Variants in MTA1 observed in about 807,000 individuals in gnomAD.
The protein encoded by MTA1 is metastasis-associated protein MTA1.
Under a neutral mutation model 97.0 loss-of-function variants are expected in MTA1, and 15 were observed. The observed-to-expected ratio is 0.15, with a 90% confidence interval of 0.10 to 0.24. The LOEUF (loss-of-function observed/expected upper bound fraction) is 0.24. MTA1 is among the 10% of genes least tolerant of loss of function. The pLI, the probability that MTA1 is intolerant of heterozygous loss-of-function variation, is 1.00. For missense variants in MTA1, 709 were observed against 1,015.1 expected (o/e 0.70, Z 4.10); for synonymous variants, 435 against 417.5 (o/e 1.04, Z -0.51).
chr14:105,449,514 T>G (rs1258458064), intron 4 of MTA1, 105 bp downstream of exon 4: 1 of 1,283,542 alleles, frequency 7.8e-7, no homozygotes, highest in Non-Finnish European at 1.1e-6. Context: ...CCTGCATGCC[T>G]GTGCCCTGCG....
intron 1 of MTA1, among the ~76,000 whole-genome samples, chr14:105,437,160 C>T (rs782793499): frequency 1.3e-5 from 2 of 152,266 alleles, no homozygotes; most frequent in African/African-American, 2.4e-5. Flanking sequence ...GCTGCATGCA[C>T]AGGTGTGACT....
chr14:105,440,213 C>T (rs1216887031), intron 2 of MTA1, among the ~76,000 whole-genome samples: 4 of 152,224 alleles, frequency 2.6e-5, no homozygotes, highest in East Asian at 3.9e-4. Context: ...CGGAATGGGG[C>T]GCCACTCCTG....
intron 1 of MTA1, among the ~76,000 whole-genome samples, chr14:105,432,218 T>C (rs1002516608): frequency 3.3e-5 from 5 of 152,072 alleles, no homozygotes; most frequent in African/African-American, 1.2e-4. Context: ...TGAAGTTCTA[T>C]TGCTTTTTTA....
In MTA1 at chr14:105,460,753, C is replaced by T. The variant is rs2083317951; in HGVS notation, c.754-12C>T. The T allele has an allele frequency of 1.3e-6, 2 of 1,561,982 alleles. No individual in the cohort carries two copies. The highest frequency in any genetic ancestry group is 1.9e-5 in the Admixed American group (1 of 53,830). ...ACCTTGGCCCGGGTGACCCTGCTGT[C>T]TCCTGCCGCAGTTCCACGCCATGGA... is the stretch of plus-strand genomic sequence containing the variant. On this transcript the variant is annotated splice_polypyrimidine_tract_variant and intron_variant, in intron 9 of 20. Coordinates refer to ENST00000331320, the MANE Select transcript of MTA1 (RefSeq NM_004689.4).
intron 16 of MTA1, chr14:105,466,143 C>G (rs1269273434): frequency 1.8e-5 from 9 of 511,792 alleles, no homozygotes; most frequent in Non-Finnish European, 2.5e-5. Flanking sequence ...ATCCTGTTGT[C>G]CCGGGGCTGA....
In MTA1 at chr14:105,465,186, G is replaced by A. The variant is rs1555432419; in HGVS notation, c.1624+3G>A. 1.3e-6 allele frequency: 2 copies of A among 1,515,492 alleles called. No homozygotes were observed. Among genetic ancestry groups the A allele is most frequent in the Middle Eastern group, 2.0e-4 (1 of 4,884 alleles). The allele number at this position is 1,515,492 out of a possible 1,614,324, so 93.9% of individuals were successfully genotyped here. A position where few individuals can be genotyped will look rare whatever the true frequency, so the allele number is the denominator to read the frequency against. On this transcript the variant is annotated splice_donor_region_variant and intron_variant, in intron 16 of 20. Transcript: ENST00000331320. ...GGAAGCCGTGCTTCGGTATCTTGGTGAGCAGCCAGGCGTGCTGGGGGGCTC... is the reference window on the plus strand; with the variant it reads ...GGAAGCCGTGCTTCGGTATCTTGGTAAGCAGCCAGGCGTGCTGGGGGGCTC...
chr14:105,466,712 A>G lies in MTA1; in HGVS notation c.1783A>G (p.Met595Val), dbSNP rs782031869. 1.1e-5 allele frequency: 17 copies of G among 1,602,150 alleles called. No individual in the cohort carries two copies. The highest frequency in any genetic ancestry group is 7.9e-5 in the South Asian group (7 of 89,166). Residue 595 changes from methionine to valine, a missense_variant, in exon 18 of 21, where the codon ATG becomes GTG. Met to Val is a conservative substitution (Grantham distance 21). This residue lies in a region of MTA1 where 388 missense variants were observed against 421.6 expected (regional missense o/e 0.92). Coordinates refer to ENST00000331320, the MANE Select transcript of MTA1 (RefSeq NM_004689.4). ...YEQHNGVDGN[M>V]KKRLLMPSRG... ...TCCCACCCCGGCGCTGCCAGGCAACATGAAGAAGCGCCTCTTGATGCCCAG... is the reference window on the plus strand; with the variant it reads ...TCCCACCCCGGCGCTGCCAGGCAACGTGAAGAAGCGCCTCTTGATGCCCAG...
Position 105,464,413 on chromosome 14 carries a change from T to C in MTA1, c.1193-3T>C. ...CGTCTATTTCCAACTTTGTTGTCCGTAGCCACACAGTCTTACCAGTGGTAT... is the reference window on the plus strand; with the variant it reads ...CGTCTATTTCCAACTTTGTTGTCCGCAGCCACACAGTCTTACCAGTGGTAT... On this transcript the variant is annotated splice_polypyrimidine_tract_variant and splice_region_variant and intron_variant, in intron 13 of 20. Coordinates refer to ENST00000331320, the MANE Select transcript of MTA1 (RefSeq NM_004689.4). The C allele has an allele frequency of 6.2e-7, 1 of 1,612,826 alleles. No individual in the cohort carries two copies. Among genetic ancestry groups the C allele is most frequent in the Non-Finnish European group, 8.5e-7 (1 of 1,179,360 alleles).
Position 105,466,691 on chromosome 14 carries a change from AC to A in MTA1, c.1778-12del, listed in dbSNP as rs1555432979. 7 of 1,601,694 alleles carry A rather than the reference AC, an allele frequency of 4.4e-6. No homozygotes were observed. In the South Asian group the frequency reaches 7.8e-5, roughly 18 times the overall value. ...ACGCTGTCTTCTCTCCCTCTCTCCC[AC>A]CCCGGCGCTGCCAGGCAACATGAAG... On this transcript the variant is annotated splice_polypyrimidine_tract_variant and intron_variant, in intron 17 of 20. Transcript: ENST00000331320.
At position 105,465,019 on chromosome 14, in the gene MTA1, C is replaced by T. The variant is rs587629158; in HGVS notation, c.1535-75C>T. The stretch of plus-strand genomic sequence containing the variant: ...ACATGGCCGAGCCCAGTGAGGGCTC[C>T]CAGGTCAAGGCGCAGGCAGGGTCCC... On this transcript the variant is annotated intron_variant, in intron 15 of 20. Coordinates refer to ENST00000331320, the MANE Select transcript of MTA1 (RefSeq NM_004689.4). 13 of 1,437,920 alleles carry T rather than the reference C, an allele frequency of 9.0e-6. No individual in the cohort carries two copies. The African/African-American group carries it at 1.1e-4, about 13-fold the overall frequency. The allele number at this position is 1,437,920 out of a possible 1,614,324, so 89.1% of individuals were successfully genotyped here.
intron 10 of MTA1, 70 bp downstream of exon 10, chr14:105,461,023 G>GA: frequency 6.0e-6 from 9 of 1,491,894 alleles, no homozygotes; most frequent in Non-Finnish European, 7.3e-6. Context: ...CGGGGGTGTG[G>GA]GCTCCACATC....
At chr14:105,452,637 G>A (rs1405561734) in intron 6 of MTA1, among the ~76,000 whole-genome samples, 7 of 152,160 alleles carry the variant, frequency 4.6e-5, no homozygotes, top group Admixed American at 3.3e-4. Flanking sequence ...AAGCAAGATC[G>A]CACCACTGTA....
In MTA1 at chr14:105,469,969, C is replaced by G; in HGVS notation, c.1974C>G (p.Phe658Leu). The G allele has an allele frequency of 6.2e-7, 1 of 1,612,524 alleles. No homozygotes were observed. Among genetic ancestry groups the G allele is most frequent in the Non-Finnish European group, 8.5e-7 (1 of 1,179,856 alleles). ...MNWIDAPDDV[F>L]YMATEETRKI... is the part of the protein sequence containing the mutation. ...GGATCGACGCCCCGGATGACGTGTTCTACATGGCCACAGAGGAGACCAGGT... is the reference window on the plus strand; with the variant it reads ...GGATCGACGCCCCGGATGACGTGTTGTACATGGCCACAGAGGAGACCAGGT... The change falls in exon 20 of 21, where the codon TTC becomes TTG. Residue 658 changes from phenylalanine to leucine, a missense_variant. Phe to Leu is a conservative substitution (Grantham distance 22). Transcript: ENST00000331320.
rs782446322 is a variant in MTA1, at chr14:105,449,354, T to C, written c.191-5T>C. ...GCTGCCGGGTGCTGTCTGTCTGTTA[T>C]ATAGCCCTGTCAGTCTGCTATAAGG... On this transcript the variant is annotated splice_polypyrimidine_tract_variant and splice_region_variant and intron_variant, in intron 3 of 20. Coordinates refer to ENST00000331320, the MANE Select transcript of MTA1 (RefSeq NM_004689.4). 9 of 1,612,202 alleles carry C rather than the reference T, an allele frequency of 5.6e-6. No individual in the cohort carries two copies. The highest frequency in any genetic ancestry group is 3.3e-5 in the Admixed American group (2 of 59,936).
intron 1 of MTA1, among the ~76,000 whole-genome samples, chr14:105,433,209 G>GT (rs781856928): frequency 1.3e-5 from 2 of 152,208 alleles, no homozygotes; most frequent in Non-Finnish European, 2.9e-5. Context: ...CGTGGGCGGT[G>GT]TGTAGGTCTA....
chr14:105,469,697 C>T (rs2083751981), intron 19 of MTA1, 144 bp from the exon 20 acceptor site: 7 of 1,305,876 alleles, frequency 5.4e-6, no homozygotes, highest in Middle Eastern at 2.3e-4. Flanking sequence ...GCCCTCAGGG[C>T]TGCCCTGGGC....
At chr14:105,460,623 C>T in intron 9 of MTA1, 142 bp from the exon 10 acceptor site, 1 of 1,215,386 alleles carries the variant, frequency 8.2e-7, no homozygotes, top group Non-Finnish European at 1.1e-6. Flanking sequence ...CAAACTCGGC[C>T]AGACTGTGCT....
chr14:105,438,644 G>A lies in MTA1; in HGVS notation c.29-28G>A, dbSNP rs587622436. Reference sequence around the variant, plus strand: ...CTGGGTCTGGCCTTTGGTGCCACAGGTGGCACTCTCTCTGTTGCTGTTTGC... The same window carrying A: ...CTGGGTCTGGCCTTTGGTGCCACAGATGGCACTCTCTCTGTTGCTGTTTGC... On this transcript the variant is annotated intron_variant, in intron 1 of 20. Coordinates refer to ENST00000331320, the MANE Select transcript of MTA1 (RefSeq NM_004689.4). The A allele has an allele frequency of 1.1e-5, 17 of 1,610,974 alleles. No individual in the cohort carries two copies. The South Asian group carries it at 1.4e-4, about 14-fold the overall frequency.
At position 105,469,088 on chromosome 14, in the gene MTA1, C is replaced by T. The variant is rs139072215; in HGVS notation, c.1814-379C>T. ...TGGGGCAGTGCCGGCCACAGCGTGGCTGCCCTGCAGAGGGGCTTGTGCCGC... is the reference window on the plus strand; with the variant it reads ...TGGGGCAGTGCCGGCCACAGCGTGGTTGCCCTGCAGAGGGGCTTGTGCCGC... On this transcript the variant is annotated intron_variant, in intron 18 of 20. Transcript: ENST00000331320. 358 of 477,008 alleles carry T rather than the reference C, an allele frequency of 7.5e-4. 1 individual carries two copies. The highest frequency in any genetic ancestry group is 4.0e-3 in the Admixed American group (170 of 42,522). 29.5% of individuals were successfully genotyped at this position (477,008 alleles called of 1,614,324 possible).
Sources: allele counts gnomAD v4.1 joint callset (sites outside exome capture counted in the v4.1 genomes callset), GRCh38; gene constraint gnomAD v4.1.1; regional missense constraint gnomAD v4.1.1; transcripts MANE v1.5; gene names NCBI Gene and HGNC (gene_info 2026-07-23, HGNC 2026-07-21).